PABPN1L: variants seen among roughly 807,000 people sequenced by gnomAD.
PABPN1L encodes the protein PABPN1 like, cytoplasmic.
In PABPN1L, 45 loss-of-function variants were observed where a neutral mutation model predicts 34.0. That is an observed-to-expected ratio of 1.32 (90% CI 1.04 to 1.70). The LOEUF is 1.70. PABPN1L is among the 40% of genes most tolerant of loss of function. The pLI is 0.00. For missense variants in PABPN1L, 459 were observed against 367.8 expected (o/e 1.25, Z -2.03); for synonymous variants, 182 against 152.1 (o/e 1.20, Z -1.45).
At chr16:88,867,218 GC>G (rs1968622195), upstream of PABPN1L, among the ~76,000 whole-genome samples, 1 of 146,940 alleles carries the variant, frequency 6.8e-6, no homozygotes, top group Admixed American at 6.6e-5. Flanking sequence ...CTTATTCTGG[GC>G]CTTTTTTTTT....
At chr16:88,865,486 C>G in intron 3 of PABPN1L, 77 bp downstream of exon 3, 2 of 1,537,928 alleles carry the variant, frequency 1.3e-6, no homozygotes. Flanking sequence ...CTGCCTGGCC[C>G]ATGGCCGGGC....
exon 5 of PABPN1L, chr16:88,864,897 C>A (rs532230190): frequency 6.4e-7 from 1 of 1,561,432 alleles, no homozygotes; most frequent in Admixed American, 1.7e-5. Context: ...AGCTCCACGG[C>A]GGCCTGCACG....
At chr16:88,869,342 A>C (rs1216831115), upstream of PABPN1L, among the ~76,000 whole-genome samples, 1 of 152,150 alleles carries the variant, frequency 6.6e-6, no homozygotes, top group African/African-American at 2.4e-5. Context: ...CCGCACAGCC[A>C]CACACTTACG....
chr16:88,863,627 G>A, exon 7 of PABPN1L: 1 of 1,211,592 alleles, frequency 8.3e-7, no homozygotes, highest in Non-Finnish European at 1.2e-6. Flanking sequence ...GGGGGCCAGT[G>A]GCTGCTCTGG....
chr16:88,868,995 G>A (rs557554697), upstream of PABPN1L, among the ~76,000 whole-genome samples: 46 of 152,308 alleles, frequency 3.0e-4, 2 homozygotes, highest in African/African-American at 1.1e-3. Flanking sequence ...CTGTTTCAGA[G>A]CCAAGATCTT....
upstream of PABPN1L, among the ~76,000 whole-genome samples, chr16:88,869,423 GCTC>G (rs1279186638): frequency 6.6e-6 from 1 of 152,248 alleles, no homozygotes; most frequent in Non-Finnish European, 1.5e-5. Context: ...CTGCCGGGCT[GCTC>G]CTCCTCCCTC....
At chr16:88,869,325 C>T (rs954123346), upstream of PABPN1L, among the ~76,000 whole-genome samples, 2 of 152,226 alleles carry the variant, frequency 1.3e-5, no homozygotes, top group African/African-American at 4.8e-5. Context: ...TTCCCCTCTC[C>T]CTGGCTCCGC....
chr16:88,866,563 T>C (rs1343451937), exon 1 of PABPN1L: 5 of 1,553,590 alleles, frequency 3.2e-6, no homozygotes, highest in South Asian at 2.4e-5. Flanking sequence ...GAGCCAGGCC[T>C]GAGTCGGGGG....
At chr16:88,866,662 C>G, upstream of PABPN1L, 1 of 1,473,472 alleles carries the variant, frequency 6.8e-7, no homozygotes, top group South Asian at 1.4e-5. Flanking sequence ...ACTCCCCTCG[C>G]GTCCGCACCT....
At chr16:88,866,599 G>A (rs1425344046) in exon 1 of PABPN1L, 2 of 1,545,938 alleles carry the variant, frequency 1.3e-6, no homozygotes, top group Non-Finnish European at 1.7e-6. Flanking sequence ...GCTCGGGAAG[G>A]GCCACATGGT....
chr16:88,863,602 A>AT, exon 7 of PABPN1L: 1 of 978,636 alleles, frequency 1.0e-6, no homozygotes, highest in Non-Finnish European at 1.6e-6. Flanking sequence ...CTACTGGGCC[A>AT]TCCCCCCGCC....
exon 6 of PABPN1L, chr16:88,864,280 C>T (rs766781722): frequency 2.1e-5 from 32 of 1,552,060 alleles, no homozygotes; most frequent in African/African-American, 8.5e-5. Flanking sequence ...CCCTGGAGGC[C>T]GCTGTGGGGG....
At chr16:88,869,931 A>G (rs766435501), upstream of PABPN1L, among the ~76,000 whole-genome samples, 4 of 152,282 alleles carry the variant, frequency 2.6e-5, no homozygotes, top group South Asian at 6.2e-4. Context: ...CTGAGGATTC[A>G]TGGCAGCCTG....
chr16:88,864,152 G>A, intron 6 of PABPN1L, 85 bp downstream of exon 6: 1 of 1,448,336 alleles, frequency 6.9e-7, no homozygotes, highest in African/African-American at 1.4e-5. Context: ...GCCCCATGAG[G>A]AACGAGCTCA....
upstream of PABPN1L, among the ~76,000 whole-genome samples, chr16:88,869,262 G>C (rs1356224745): frequency 6.6e-6 from 1 of 152,238 alleles, no homozygotes; most frequent in East Asian, 1.9e-4. Flanking sequence ...AGGCTCATGA[G>C]GTCGGGGAGG....
chr16:88,864,910 G>A (rs749803234), exon 5 of PABPN1L: 2 of 1,611,306 alleles, frequency 1.2e-6, no homozygotes, highest in Non-Finnish European at 8.5e-7. Flanking sequence ...CCTGCACGGA[G>A]CCCTTGGTGG....
Position 88,865,966 on chromosome 16 carries a change from G to A in PABPN1L, c.256-25C>T, listed in dbSNP as rs964568482. The A allele has an allele frequency of 6.9e-6, 11 of 1,595,300 alleles. No individual in the cohort carries two copies. In the African/African-American group the frequency reaches 1.2e-4, roughly 17 times the overall value. On this transcript the variant is annotated intron_variant, in intron 1 of 6. Coordinates refer to ENST00000419291, the Ensembl canonical transcript of PABPN1L. The stretch of plus-strand genomic sequence containing the variant: ...CCTGCCGACACACGGCCCTGAGCCG[G>A]GCAGGCAGCCTGCAGGCTCTGCTCA...
At chr16:88,865,209 A>C in intron 3 of PABPN1L, 81 bp from the exon 4 acceptor site, 1 of 1,428,006 alleles carries the variant, frequency 7.0e-7, no homozygotes, top group Non-Finnish European at 9.5e-7. Context: ...GAGGAAAGAA[A>C]CCCCAAGGCT....
In PABPN1L at chr16:88,863,791, G is replaced by A. The variant is rs1404830786; in HGVS notation, c.802C>T (p.Arg268Cys). The A allele has an allele frequency of 7.8e-6, 12 of 1,535,888 alleles. No homozygotes were observed. Among genetic ancestry groups the A allele is most frequent in the South Asian group, 2.4e-5 (2 of 84,060 alleles). Residue 268 changes from arginine to cysteine, a missense_variant, in exon 7 of 7, where the codon CGT (arginine) becomes TGT (cysteine). Arg to Cys is a radical substitution (Grantham distance 180, BLOSUM62 -3). Transcript: ENST00000419291. ...GAAAACCATGGTGAGAATTTTCCACGGGCCCTGCACGGAGAGAGAACACAC... is the reference window on the plus strand; with the variant it reads ...GAAAACCATGGTGAGAATTTTCCACAGGCCCTGCACGGAGAGAGAACACAC...
Sources: allele counts gnomAD v4.1 joint callset (sites outside exome capture counted in the v4.1 genomes callset), GRCh38; gene constraint gnomAD v4.1.1; transcripts MANE v1.5; gene names NCBI Gene and HGNC (gene_info 2026-07-23, HGNC 2026-07-21).